ATAD5: variants seen among roughly 807,000 people sequenced by gnomAD.
ATAD5 encodes the protein ATPase family AAA domain-containing protein 5.
A neutral mutation model predicts 176.9 loss-of-function variants in ATAD5; 58 were observed. That is an observed-to-expected ratio of 0.33 (90% confidence interval 0.27 to 0.41). The LOEUF is 0.41. ATAD5 is among the 10% of genes least tolerant of loss of function. The pLI is 1.00. For synonymous variants in ATAD5, 640 were observed against 712.6 expected, an observed-to-expected ratio of 0.90 and a Z score of 1.62; for missense variants, 1,789 against 2,094.1, an observed-to-expected ratio of 0.85 and a Z score of 2.84.
intron 17 of ATAD5, among the ~76,000 whole-genome samples, chr17:30,878,727 T>TTTTTTG (rs1555559803): frequency 3.3e-4 from 31 of 94,396 alleles, no homozygotes; most frequent in Non-Finnish European, 5.5e-4. Flanking sequence ...TGTTTTTTTT[T>TTTTTTG]TTTTTTTTTT....
chr17:30,869,116 G>A (rs1349012589), intron 12 of ATAD5, 132 bp from the exon 13 acceptor site: 44 of 1,064,362 alleles, frequency 4.1e-5, no homozygotes, highest in Non-Finnish European at 5.3e-5. Flanking sequence ...ATGTGCCACT[G>A]CGTCCGGCCT....
intron 14 of ATAD5, among the ~76,000 whole-genome samples, chr17:30,874,551 A>C (rs1434908117): frequency 2.0e-5 from 3 of 149,846 alleles, no homozygotes; most frequent in Non-Finnish European, 4.4e-5. Context: ...AAAGAAACAA[A>C]AAAAAAAAAA....
At position 30,894,121 on chromosome 17, in the gene ATAD5, A is replaced by G. The variant is rs756027332; in HGVS notation, c.5268A>G (p.Val1756=). 6.3e-7 allele frequency: 1 copy of G among 1,580,390 alleles called. No homozygotes were observed. Among genetic ancestry groups the G allele is most frequent in the African/African-American group, 1.4e-5 (1 of 73,768 alleles). Residue 1756 remains valine, a synonymous_variant, in exon 21 of 23, where the codon GTA becomes GTG. Transcript: ENST00000321990. ...TFYVSQKRNN[V]YFSQSAANLD... ...ATGTTTCACAAAAGCGCAATAATGTATACTTTAGTCAGTCAGCAGCTAATT... is the reference window on the plus strand; with the variant it reads ...ATGTTTCACAAAAGCGCAATAATGTGTACTTTAGTCAGTCAGCAGCTAATT...
chr17:30,891,266 C>A (rs1909627171), intron 19 of ATAD5, among the ~76,000 whole-genome samples: 1 of 152,100 alleles, frequency 6.6e-6, no homozygotes, highest in Admixed American at 6.6e-5. Context: ...CATTATAATT[C>A]TTTTAATTTT....
intron 18 of ATAD5, among the ~76,000 whole-genome samples, chr17:30,886,021 T>C (rs1188781648): frequency 6.6e-6 from 1 of 152,184 alleles, no homozygotes; most frequent in Non-Finnish European, 1.5e-5. Context: ...TCTATCTCTA[T>C]GGTGAATTAT....
Position 30,843,919 on chromosome 17 carries a change from G to A in ATAD5, c.2248G>A (p.Val750Ile). 1 of 1,385,744 alleles carries A rather than the reference G, an allele frequency of 7.2e-7. No homozygotes were observed. Among genetic ancestry groups the A allele is most frequent in the Non-Finnish European group, 9.8e-7 (1 of 1,022,690 alleles). 85.8% of individuals were successfully genotyped at this position (1,385,744 alleles called of 1,614,324 possible). A position where few individuals can be genotyped will look rare whatever the true frequency, so the allele number is the denominator to read the frequency against. Residue 750 changes from valine to isoleucine, a missense_variant, in exon 5 of 23, where the codon GTT (valine) becomes ATT (isoleucine). By Grantham distance (29) the Val-to-Ile change is conservative (BLOSUM62 3). Around this residue, in one of 6 missense-constraint regions of ATAD5, gnomAD observed 487 missense variants for 573.6 expected, o/e 0.85. Transcript: ENST00000321990. ...TTCTCTTATTTTGTCTTAGGATTCT[G>A]TTATAATAATAGATTCAAGTCCTAC... The part of the protein sequence containing the change: ...RKKLSETEDS[V>I]IIIDSSPTAL...
intron 19 of ATAD5, among the ~76,000 whole-genome samples, chr17:30,891,835 G>A (rs1030524763): frequency 9.2e-5 from 14 of 151,922 alleles, no homozygotes; most frequent in South Asian, 6.3e-4. Context: ...ACAGGCATGC[G>A]TCACCACGCC....
chr17:30,833,715 C>G (rs1905516963), intron 1 of ATAD5, among the ~76,000 whole-genome samples: 1 of 152,196 alleles, frequency 6.6e-6, no homozygotes, highest in Non-Finnish European at 1.5e-5. Flanking sequence ...AGGTCTTGCT[C>G]TGTCACCCAG....
At chr17:30,878,119 C>G (rs546382316) in intron 17 of ATAD5, 23 bp downstream of exon 17, 2 of 1,451,884 alleles carry the variant, frequency 1.4e-6, no homozygotes, top group Admixed American at 1.8e-5. Context: ...GATTTTACTT[C>G]AGTTAAACAG....
At chr17:30,876,139 AAAAAT>A (rs574523433) in intron 14 of ATAD5, among the ~76,000 whole-genome samples, 12 of 152,274 alleles carry the variant, frequency 7.9e-5, no homozygotes, top group East Asian at 3.9e-4. Flanking sequence ...CCTGTCTCAA[AAAAAT>A]AAAATAAAAT....
At position 30,834,429 on chromosome 17, in the gene ATAD5, G is replaced by A. The variant is rs757397900; in HGVS notation, c.348G>A (p.Arg116=). 2.9e-5 allele frequency: 46 copies of A among 1,597,798 alleles called. No individual in the cohort carries two copies. Among genetic ancestry groups the A allele is most frequent in the Non-Finnish European group, 3.7e-5 (43 of 1,173,698 alleles). The change falls in exon 2 of 23, where the codon AGG becomes AGA. Residue 116 remains arginine, a synonymous_variant. Transcript: ENST00000321990. The part of the protein sequence containing the change: ...SNVEFKKKRK[R]VNLSHQLNNI... The stretch of plus-strand genomic sequence containing the variant: ...TAGAGTTTAAGAAGAAAAGAAAGAG[G>A]GTTAATTTATCTCATCAACTAAATA...
Position 30,868,332 on chromosome 17 carries a change from G to A in ATAD5, c.3234-1G>A. The A allele has an allele frequency of 6.4e-7, 1 of 1,565,710 alleles. No individual in the cohort carries two copies. Among genetic ancestry groups the A allele is most frequent in the Non-Finnish European group, 8.6e-7 (1 of 1,160,770 alleles). On this transcript the variant is annotated splice_acceptor_variant, in intron 11 of 22. Transcript: ENST00000321990. LOFTEE classifies it high-confidence loss of function. ...ATTTTTATTATGTTTTCTTGTGGCA[G>A]TTGGTTGAAAGACTGGAAAAGAAGA...
In ATAD5 at chr17:30,835,399, G is replaced by A. The variant is rs1278821699; in HGVS notation, c.1318G>A (p.Asp440Asn). The change falls in exon 2 of 23, where the codon GAT (aspartate) becomes AAT (asparagine). Residue 440 changes from aspartate (D) to asparagine (N), a missense_variant. This residue lies in a region of ATAD5 where 696 missense variants were observed against 712.5 expected (regional missense o/e 0.98). Transcript: ENST00000321990. Reference sequence around the variant, plus strand: ...AAAATGTCTATATGAAGTAGGAAGAGATGATAATTCTAAAAAAATCATGGA... The same window carrying A: ...AAAATGTCTATATGAAGTAGGAAGAAATGATAATTCTAAAAAAATCATGGA... Reference protein sequence around the residue: ...NEKCLYEVGRDDNSKKIMENS... With the variant: ...NEKCLYEVGRNDNSKKIMENS... The A allele has an allele frequency of 1.2e-6, 2 of 1,609,854 alleles. No individual in the cohort carries two copies. Among genetic ancestry groups the A allele is most frequent in the African/African-American group, 2.7e-5 (2 of 74,586 alleles).
chr17:30,840,372 C>G (rs1906032175), intron 3 of ATAD5, among the ~76,000 whole-genome samples: 1 of 152,038 alleles, frequency 6.6e-6, no homozygotes, highest in Non-Finnish European at 1.5e-5. Context: ...ATTGCCAAGT[C>G]TATACTACAG....
At chr17:30,866,682 A>G (rs1373333910) in intron 11 of ATAD5, among the ~76,000 whole-genome samples, 1 of 151,790 alleles carries the variant, frequency 6.6e-6, no homozygotes, top group African/African-American at 2.4e-5. Context: ...GGGTGTGGTG[A>G]TGCACGCCTG....
chr17:30,843,380 C>T (rs568289570), intron 4 of ATAD5, among the ~76,000 whole-genome samples: 9 of 150,420 alleles, frequency 6.0e-5, no homozygotes, highest in South Asian at 2.1e-4. Context: ...AGGCCAGGTG[C>T]GGTGGCTCAC....
At position 30,857,019 on chromosome 17, in the gene ATAD5, C is replaced by T; in HGVS notation, c.2700C>T (p.Asn900=). ...TCTTAACTAAATTTAAAGAACTGAA[C>T]ACTAAAGTAATAGATCTCTCAAAAT... is the stretch of plus-strand genomic sequence containing the variant. ...CPLLTKFKEL[N]TKVIDLSKCG... Residue 900 remains asparagine (N), a synonymous_variant, in exon 8 of 23, where the codon AAC becomes AAT. Transcript: ENST00000321990. 6.2e-7 allele frequency: 1 copy of T among 1,609,262 alleles called. No homozygotes were observed. Among genetic ancestry groups the T allele is most frequent in the Non-Finnish European group, 8.5e-7 (1 of 1,178,886 alleles).
rs758065819 is a variant in ATAD5 at position 30,893,955 on chromosome 17, C to T, written c.5102C>T (p.Thr1701Ile). Residue 1701 changes from threonine (T) to isoleucine (I), a missense_variant, in exon 21 of 23, where the codon ACT becomes ATT. Transcript: ENST00000321990. ...AGTCTTGAGAGTAATGATGGATGGA[C>T]TTCTCAAAGCTCTGGAGAATTAAAG... ...EFSLESNDGW[T>I]SQSSGELKAA... 13 of 1,614,024 alleles carry T rather than the reference C, an allele frequency of 8.1e-6. No homozygotes were observed. The highest frequency in any genetic ancestry group is 1.7e-4 in the Middle Eastern group (1 of 6,058).
chr17:30,845,124 AAAAT>A (rs1906423763), intron 6 of ATAD5, among the ~76,000 whole-genome samples: 1 of 152,218 alleles, frequency 6.6e-6, no homozygotes, highest in South Asian at 2.1e-4. Flanking sequence ...ACAAAACAGA[AAAAT>A]AAGCAAACCA....
Sources: gnomAD v4.1 joint callset for allele counts (sites outside exome capture counted in the v4.1 genomes callset) on GRCh38, gnomAD v4.1.1 for gene constraint, gnomAD v4.1.1 regional missense constraint, MANE v1.5 for transcripts, NCBI Gene and HGNC (gene_info 2026-07-23, HGNC 2026-07-21) for gene names.